RARG: variants seen among roughly 807,000 people sequenced by gnomAD.
RARG encodes RAR-gamma.
A neutral mutation model predicts 43.7 loss-of-function variants in RARG; 17 were observed. The ratio of observed to expected loss-of-function variants is 0.39; its 90% CI spans 0.27 to 0.58. RARG has a LOEUF of 0.58. RARG is among the 20% of genes least tolerant of loss of function. The pLI is 0.57. For synonymous variants in RARG, 238 were observed against 236.4 expected, an observed-to-expected ratio of 1.01 and a Z score of -0.06; for missense variants, 346 against 598.7, an observed-to-expected ratio of 0.58 and a Z score of 4.40.
rs2120630680 is a variant in RARG at position 53,215,681 on chromosome 12, A to C, written c.298T>G (p.Tyr100Asp). 1 of 1,613,890 alleles carries C rather than the reference A, an allele frequency of 6.2e-7. No homozygotes were observed. The highest frequency in any genetic ancestry group is 1.3e-5 in the African/African-American group (1 of 75,046). Residue 100 changes from tyrosine to aspartate, a missense_variant, in exon 4 of 10, where the codon TAC becomes GAC. Transcript: ENST00000425354. The surrounding 1 kb of genome is among the most constrained non-coding windows in gnomAD (Gnocchi z 6.4). The stretch of plus-strand genomic sequence containing the variant: ...TCACAAGAGCTGACCCCATAGTGGT[A>C]GCCAGAGGACTTGTCATTGCACACG... ...CFVCNDKSSGYHYGVSSCEGC... is the reference protein window; with the variant it reads ...CFVCNDKSSGDHYGVSSCEGC...
intron 3 of RARG, among the ~76,000 whole-genome samples, chr12:53,223,359 G>A (rs1208833414): frequency 6.6e-6 from 1 of 152,102 alleles, no homozygotes; most frequent in African/African-American, 2.4e-5. Flanking sequence ...CTCTGGAGGA[G>A]GGGGCAGCAG....
Position 53,213,723 on chromosome 12 carries a change from G to T in RARG, c.814-23C>A. ...CATCTGGAGGTGGGGGGTGGAGGAG[G>T]GTTAGTGCTGTTTCTGGGGGATGGG... On this transcript the variant is annotated intron_variant, in intron 7 of 9. Transcript: ENST00000425354. The surrounding 1 kb of genome is among the most constrained non-coding windows in gnomAD (Gnocchi z 4.7). 6.3e-7 allele frequency: 1 copy of T among 1,581,406 alleles called. No individual in the cohort carries two copies. The highest frequency in any genetic ancestry group is 1.1e-5 in the South Asian group (1 of 89,950).
In RARG at chr12:53,227,290, CTT is replaced by C; in HGVS notation, c.184+70_184+71del. On this transcript the variant is annotated intron_variant, in intron 3 of 9. Coordinates refer to ENST00000425354, the MANE Select transcript of RARG (RefSeq NM_000966.6). This position sits in a 1 kb window ranked among gnomAD's most constrained non-coding sequence, Gnocchi z 4.3. ...TGCCTTCCTAACTGGGGTGCCAACT[CTT>C]TTACCATCCACCCTCCTGATGCCTT... 4.9e-6 allele frequency: 7 copies of C among 1,437,832 alleles called. 1 individual carries two copies. The South Asian group carries it at 8.8e-5, about 18-fold the overall frequency. The allele number at this position is 1,437,832 out of a possible 1,614,324, so 89.1% of individuals were successfully genotyped here.
At chr12:53,217,859 G>T (rs1384761255) in intron 3 of RARG, among the ~76,000 whole-genome samples, 1 of 152,158 alleles carries the variant, frequency 6.6e-6, no homozygotes, top group Non-Finnish European at 1.5e-5. Context: ...ATAACCGGCT[G>T]TAAACGCTCC....
intron 3 of RARG, among the ~76,000 whole-genome samples, chr12:53,217,250 C>G (rs1331212304): frequency 6.6e-6 from 1 of 152,136 alleles, no homozygotes; most frequent in Non-Finnish European, 1.5e-5. Flanking sequence ...GGAGTCTATT[C>G]AAGACTAGGG....
In RARG at chr12:53,215,628, C is replaced by T. The variant is rs1048946212; in HGVS notation, c.333+18G>A. ...GGTAACTGGATCCCCCGTCTGCCCA[C>T]TCCCACCACGTACACACCTTGCAGC... On this transcript the variant is annotated intron_variant, in intron 4 of 9. Coordinates refer to ENST00000425354, the MANE Select transcript of RARG (RefSeq NM_000966.6). This position sits in a 1 kb window ranked among gnomAD's most constrained non-coding sequence, Gnocchi z 6.4. 2.5e-6 allele frequency: 4 copies of T among 1,606,408 alleles called. No individual in the cohort carries two copies. The highest frequency in any genetic ancestry group is 1.1e-5 in the South Asian group (1 of 90,056).
At chr12:53,220,562 A>C in intron 3 of RARG, 4 of 257,688 alleles carry the variant, frequency 1.6e-5, no homozygotes, top group East Asian at 8.4e-5. Context: ...GAATTTGCAA[A>C]TATGCAAGAG....
intron 3 of RARG, among the ~76,000 whole-genome samples, chr12:53,222,986 C>T (rs1943013494): frequency 6.6e-6 from 1 of 152,162 alleles, no homozygotes; most frequent in Non-Finnish European, 1.5e-5. Context: ...GCTAGAGCCC[C>T]ACAAAGGCAT....
At chr12:53,225,669 ACCTTCTCTTGGCCCCAGTTGAAG>A (rs1943090119) in intron 3 of RARG, among the ~76,000 whole-genome samples, 1 of 151,904 alleles carries the variant, frequency 6.6e-6, no homozygotes, top group South Asian at 2.1e-4. Context: ...CCCTTCAATC[ACCTTCTCTTGGCCCCAGTTGAAG>A]CCTTCTCTTA....
At chr12:53,228,249 C>T (rs1032485167) in intron 2 of RARG, among the ~76,000 whole-genome samples, 2 of 152,130 alleles carry the variant, frequency 1.3e-5, no homozygotes, top group Non-Finnish European at 2.9e-5. Context: ...TGGACTGTAC[C>T]CCACCACTTG....
At chr12:53,216,861 C>CGCGCGCGT (rs1491204312) in intron 3 of RARG, among the ~76,000 whole-genome samples, 4 of 122,928 alleles carry the variant, frequency 3.3e-5, no homozygotes, top group African/African-American at 1.4e-4. Context: ...CGCGCGCGCG[C>CGCGCGCGT]GTGTGGTTGG....
At position 53,215,990 on chromosome 12, in the gene RARG, C is replaced by T. The variant is rs1022679827; in HGVS notation, c.185-196G>A. Among the ~76,000 whole-genome samples the T allele has an allele frequency of 1.3e-5, 2 of 152,196 alleles. No individual in the cohort carries two copies. Among genetic ancestry groups the T allele is most frequent in the Non-Finnish European group, 2.9e-5 (2 of 68,026 alleles). On this transcript the variant is annotated intron_variant, in intron 3 of 9. Coordinates refer to ENST00000425354, the MANE Select transcript of RARG (RefSeq NM_000966.6). The surrounding 1 kb of genome is among the most constrained non-coding windows in gnomAD (Gnocchi z 6.4). Reference sequence around the variant, plus strand: ...CCACTATTACCACAGCTTGTTGTGACCCTAGTTCACCCTCTACCCTCCACA... The same window carrying T: ...CCACTATTACCACAGCTTGTTGTGATCCTAGTTCACCCTCTACCCTCCACA...
chr12:53,227,755 C>T lies in RARG; in HGVS notation c.-142-68G>A. ...CTCTGAGGTTCCAAGCCCTGTGACC[C>T]TCTCTCAGTTGCAGTCTTCTCCCTC... On this transcript the variant is annotated intron_variant, in intron 2 of 9. Coordinates refer to ENST00000425354, the MANE Select transcript of RARG (RefSeq NM_000966.6). The surrounding 1 kb of genome is among the most constrained non-coding windows in gnomAD (Gnocchi z 4.3). The T allele has an allele frequency of 9.0e-7, 1 of 1,113,046 alleles. No individual in the cohort carries two copies. Among genetic ancestry groups the T allele is most frequent in the Non-Finnish European group, 1.2e-6 (1 of 863,366 alleles). The allele number at this position is 1,113,046 out of a possible 1,614,324, so 68.9% of individuals were successfully genotyped here.
intron 3 of RARG, among the ~76,000 whole-genome samples, chr12:53,216,324 T>A (rs540693039): frequency 1.3e-5 from 2 of 152,298 alleles, no homozygotes; most frequent in African/African-American, 4.8e-5. Flanking sequence ...GCTGGGATGC[T>A]TAGCAGGTAA....
intron 6 of RARG, 105 bp downstream of exon 6, chr12:53,214,341 C>T (rs1210806065): frequency 2.6e-6 from 4 of 1,535,908 alleles, no homozygotes; most frequent in African/African-American, 1.4e-5. Flanking sequence ...ATTCTGATGC[C>T]CTCCTTGTCC....
intron 5 of RARG, 94 bp from the exon 6 acceptor site, chr12:53,214,700 CATGA>C: frequency 8.0e-7 from 1 of 1,253,196 alleles, no homozygotes; most frequent in Non-Finnish European, 1.1e-6. Flanking sequence ...CAGTCCTTAT[CATGA>C]ATATCTATTC....
chr12:53,222,544 T>A (rs1943002948), intron 3 of RARG, among the ~76,000 whole-genome samples: 1 of 151,590 alleles, frequency 6.6e-6, no homozygotes, highest in African/African-American at 2.4e-5. Context: ...GGAGGGGGGT[T>A]GGGAGGAGGG....
chr12:53,225,916 C>T (rs1234112271), intron 3 of RARG, among the ~76,000 whole-genome samples: 2 of 152,222 alleles, frequency 1.3e-5, no homozygotes, highest in East Asian at 3.8e-4. Flanking sequence ...AGAGGAGGAG[C>T]CCAGATCCAC....
rs879367133 is a variant in RARG, at chr12:53,215,205, A to G, written c.475+88T>C. On this transcript the variant is annotated intron_variant, in intron 5 of 9. Coordinates refer to ENST00000425354, the MANE Select transcript of RARG (RefSeq NM_000966.6). The surrounding 1 kb of genome is among the most constrained non-coding windows in gnomAD (Gnocchi z 6.4). ...CAGGGCAGGCCAAGTCTCAGAGGTC[A>G]GGGAAGTGGGAGTGGCCAGAGGAAA... The G allele has an allele frequency of 7.9e-6, 12 of 1,528,368 alleles. No individual in the cohort carries two copies. Among genetic ancestry groups the G allele is most frequent in the Non-Finnish European group, 1.1e-5 (12 of 1,124,432 alleles). 94.7% of individuals were successfully genotyped at this position (1,528,368 alleles called of 1,614,324 possible).
Sources: allele counts gnomAD v4.1 joint callset (sites outside exome capture counted in the v4.1 genomes callset), GRCh38; gene constraint gnomAD v4.1.1; non-coding constraint Gnocchi (gnomAD v3.1); transcripts MANE v1.5; gene names NCBI Gene and HGNC (gene_info 2026-07-23, HGNC 2026-07-21).